Variants in SPINK9 observed in about 807,000 individuals in gnomAD.
SPINK9 encodes the protein serine peptidase inhibitor Kazal type 9, also known as serine protease inhibitor Kazal-type 9.
In SPINK9, 3 loss-of-function variants were observed where a neutral mutation model predicts 10.8. That is an observed-to-expected ratio of 0.28 (90% CI 0.13 to 0.72). The LOEUF is 0.72. Ranked by LOEUF, SPINK9 falls within the 30% of genes least tolerant of loss-of-function variation. The pLI, the probability that SPINK9 is intolerant of heterozygous loss-of-function variation, is 0.74. For synonymous variants in SPINK9, 30 were observed against 31.2 expected (o/e 0.96, Z 0.12); for missense variants, 101 against 103.2 (o/e 0.98, Z 0.09).
chr5:148,338,037 A>G (rs936408800), intron 2 of SPINK9, among the ~76,000 whole-genome samples: 1 of 152,138 alleles, frequency 6.6e-6, no homozygotes, highest in Non-Finnish European at 1.5e-5. Flanking sequence ...GTAATGTACT[A>G]GTCATTAAAA....
intron 2 of SPINK9, among the ~76,000 whole-genome samples, chr5:148,324,655 A>G (rs1037610950): frequency 2.0e-5 from 3 of 152,046 alleles, no homozygotes; most frequent in Admixed American, 2.0e-4. Flanking sequence ...CACTGTTTCA[A>G]TGTTATGCCT....
intron 3 of SPINK9, 54 bp from the exon 4 acceptor site, chr5:148,339,613 A>G: frequency 6.6e-7 from 1 of 1,516,796 alleles, no homozygotes; most frequent in Non-Finnish European, 9.1e-7. Context: ...TTGGATGCTA[A>G]TGAAATGCCT....
chr5:148,330,562 T>A (rs998597302), upstream of SPINK9, among the ~76,000 whole-genome samples: 1 of 152,222 alleles, frequency 6.6e-6, no homozygotes, highest in Non-Finnish European at 1.5e-5. Flanking sequence ...TGTTAGCTGG[T>A]TATTTTGCTC....
At chr5:148,332,369 A>G (rs1262867985), upstream of SPINK9, among the ~76,000 whole-genome samples, 2 of 152,234 alleles carry the variant, frequency 1.3e-5, no homozygotes, top group Non-Finnish European at 2.9e-5. Flanking sequence ...CAACACACAC[A>G]TATTACAAAT....
At chr5:148,336,622 T>C (rs1757221009) in intron 2 of SPINK9, among the ~76,000 whole-genome samples, 169 bp downstream of exon 2, 1 of 152,160 alleles carries the variant, frequency 6.6e-6, no homozygotes, top group East Asian at 1.9e-4. Flanking sequence ...ATGGAGAGAG[T>C]AGAACAAGGT....
intron 2 of SPINK9, among the ~76,000 whole-genome samples, chr5:148,337,455 A>C (rs1757231896): frequency 6.6e-6 from 1 of 152,166 alleles, no homozygotes; most frequent in South Asian, 2.1e-4. Flanking sequence ...GGAAGGAAGA[A>C]TTCAACTTTA....
Position 148,328,771 on chromosome 5 carries a change from T to C in SPINK9, c.118+4903T>C, listed in dbSNP as rs193061032. ...ATCTATTGAGATAATCATGTGGTTT[T>C]TGTCTTTGGTTCTGTTTATATGCTG... On this transcript the variant is annotated intron_variant, in intron 2 of 4. Coordinates refer to the SPINK9 transcript ENST00000511717. Among the ~76,000 whole-genome samples the C allele has an allele frequency of 4.1e-3, 621 of 152,334 alleles. 4 individuals carry two copies. The highest frequency in any genetic ancestry group is 0.014 in the African/African-American group (575 of 41,564).
intron 2 of SPINK9, among the ~76,000 whole-genome samples, chr5:148,328,344 AT>A (rs1480579083): frequency 1.3e-5 from 2 of 152,138 alleles, no homozygotes; most frequent in African/African-American, 2.4e-5. Flanking sequence ...ATTTTTGTAT[AT>A]TGATTTTGCA....
chr5:148,328,608 T>G (rs113440864), intron 2 of SPINK9, among the ~76,000 whole-genome samples: 1 of 152,232 alleles, frequency 6.6e-6, no homozygotes, highest in African/African-American at 2.4e-5. Context: ...CTTCCAGTTT[T>G]TGCCCATTCA....
chr5:148,327,510 T>C (rs1262011711), intron 2 of SPINK9, among the ~76,000 whole-genome samples: 1 of 152,220 alleles, frequency 6.6e-6, no homozygotes, highest in Non-Finnish European at 1.5e-5. Context: ...TTTAGTTTAA[T>C]TAGTTGCCAT....
intron 2 of SPINK9, among the ~76,000 whole-genome samples, chr5:148,325,762 G>A (rs1757051037): frequency 6.6e-6 from 1 of 151,918 alleles, no homozygotes. Flanking sequence ...TATATCTTTT[G>A]TCTTGTACTT....
At chr5:148,328,514 C>T (rs899255749) in intron 2 of SPINK9, among the ~76,000 whole-genome samples, 3 of 152,120 alleles carry the variant, frequency 2.0e-5, no homozygotes, top group African/African-American at 7.2e-5. Context: ...TGCCTGATTG[C>T]CCTGGCCAGA....
At chr5:148,331,364 A>G (rs1268098972), upstream of SPINK9, among the ~76,000 whole-genome samples, 3 of 152,244 alleles carry the variant, frequency 2.0e-5, no homozygotes, top group Non-Finnish European at 2.9e-5. Context: ...GCAATAAACC[A>G]AGCACAGAAA....
chr5:148,331,064 G>A (rs962772380), upstream of SPINK9, among the ~76,000 whole-genome samples: 8 of 152,248 alleles, frequency 5.3e-5, no homozygotes, highest in East Asian at 3.9e-4. Flanking sequence ...GCCCTGCTTC[G>A]GCTCACGCAC....
exon 2 of SPINK9, chr5:148,323,800 C>T (rs781443628): frequency 1.4e-6 from 1 of 701,240 alleles, no homozygotes; most frequent in Non-Finnish European, 2.6e-6. Flanking sequence ...AAAACTCCAC[C>T]AAGCAGCTCA....
chr5:148,323,502 C>T (rs74671106), intron 1 of SPINK9, among the ~76,000 whole-genome samples: 3,540 of 152,222 alleles, frequency 0.023, 155 homozygotes, highest in East Asian at 0.17. Context: ...TCATTATAAA[C>T]TGTTTAATGT....
chr5:148,330,940 C>T (rs992563013), upstream of SPINK9, among the ~76,000 whole-genome samples: 8 of 152,288 alleles, frequency 5.3e-5, no homozygotes, highest in African/African-American at 1.7e-4. Flanking sequence ...GATGGAAAAG[C>T]GTAGTATTAG....
At chr5:148,339,552 C>A in intron 3 of SPINK9, 115 bp from the exon 4 acceptor site, 2 of 856,692 alleles carry the variant, frequency 2.3e-6, no homozygotes, top group South Asian at 1.7e-5. Flanking sequence ...CTTTTAAAAA[C>A]ATCAATAAGC....
chr5:148,325,453 T>C (rs1757046808), intron 2 of SPINK9, among the ~76,000 whole-genome samples: 1 of 152,128 alleles, frequency 6.6e-6, no homozygotes, highest in African/African-American at 2.4e-5. Context: ...GTCTTTTTTA[T>C]CTTAACCATC....
Sources: allele counts gnomAD v4.1 joint callset (sites outside exome capture counted in the v4.1 genomes callset), GRCh38; gene constraint gnomAD v4.1.1; transcripts MANE v1.5; gene names NCBI Gene and HGNC (gene_info 2026-07-23, HGNC 2026-07-21).